The following SLC4A10 variants were observed in gnomAD, a reference collection of about 807,000 sequenced individuals.
The protein encoded by SLC4A10 is sodium-driven chloride bicarbonate exchanger.
In SLC4A10, 42 loss-of-function variants were observed where a neutral mutation model predicts 137.7. The observed-to-expected ratio is 0.30, with a 90% confidence interval of 0.24 to 0.39. SLC4A10 has a LOEUF of 0.39. SLC4A10 is among the 10% of genes least tolerant of loss of function. SLC4A10 has a pLI of 1.00. For synonymous variants in SLC4A10, 474 were observed against 464.1 expected (o/e 1.02, Z -0.27); for missense variants, 925 against 1,355.0 (o/e 0.68, Z 4.98).
chr2:161,715,614 A>G (rs1183348407), intron 1 of SLC4A10, among the ~76,000 whole-genome samples: 3 of 152,114 alleles, frequency 2.0e-5, no homozygotes, highest in East Asian at 1.9e-4. Flanking sequence ...TTCCTGCGTT[A>G]GTTTGCAGAT....
intron 6 of SLC4A10, among the ~76,000 whole-genome samples, chr2:161,868,230 T>A (rs542256624): frequency 1.4e-4 from 22 of 151,990 alleles, no homozygotes; most frequent in African/African-American, 5.3e-4. Flanking sequence ...TATACCTTTT[T>A]TTCCAATAAT....
intron 15 of SLC4A10, among the ~76,000 whole-genome samples, chr2:161,906,825 C>A (rs534939068): frequency 6.6e-6 from 1 of 152,016 alleles, no homozygotes; most frequent in African/African-American, 2.4e-5. Context: ...GAGGCCGAGG[C>A]GGGCGGATCA....
chr2:161,904,930 G>T, intron 14 of SLC4A10, 21 bp downstream of exon 14: 1 of 1,612,618 alleles, frequency 6.2e-7, no homozygotes. Context: ...TGTACTTTTT[G>T]GCCCTTAGCC....
At chr2:161,738,868 A>G (rs530944118) in intron 1 of SLC4A10, among the ~76,000 whole-genome samples, 1 of 152,248 alleles carries the variant, frequency 6.6e-6, no homozygotes, top group East Asian at 1.9e-4. Context: ...TCCCATTTAG[A>G]TAGGGCAAGG....
At chr2:161,793,028 G>A (rs2054373160) in intron 2 of SLC4A10, among the ~76,000 whole-genome samples, 1 of 152,006 alleles carries the variant, frequency 6.6e-6, no homozygotes. Flanking sequence ...CAGAATCATT[G>A]CAACCCTAAT....
At chr2:161,735,835 A>T (rs1173678344) in intron 1 of SLC4A10, among the ~76,000 whole-genome samples, 1 of 152,230 alleles carries the variant, frequency 6.6e-6, no homozygotes, top group Non-Finnish European at 1.5e-5. Flanking sequence ...CTAGAGGTTC[A>T]AAACTAAAAA....
intron 3 of SLC4A10, among the ~76,000 whole-genome samples, chr2:161,837,929 T>C (rs1575208851): frequency 6.6e-6 from 1 of 152,282 alleles, no homozygotes; most frequent in South Asian, 2.1e-4. Context: ...CCATGTGATA[T>C]TACAAGGAGA....
intron 1 of SLC4A10, among the ~76,000 whole-genome samples, chr2:161,741,582 A>G (rs1422781214): frequency 6.6e-6 from 1 of 152,170 alleles, no homozygotes; most frequent in African/African-American, 2.4e-5. Flanking sequence ...GTAAAAATGC[A>G]GTATTTTTCT....
At chr2:161,939,626 A>G (rs1575748249) in intron 15 of SLC4A10, among the ~76,000 whole-genome samples, 2 of 151,800 alleles carry the variant, frequency 1.3e-5, no homozygotes, top group South Asian at 2.1e-4. Flanking sequence ...TCCTCCTTCT[A>G]CCTCCCCACC....
chr2:161,748,573 C>CA (rs1199451582), intron 1 of SLC4A10, among the ~76,000 whole-genome samples: 4 of 151,824 alleles, frequency 2.6e-5, no homozygotes, highest in African/African-American at 9.7e-5. Context: ...GTTGCTTTGT[C>CA]AAAAGTCAGT....
At chr2:161,738,951 A>G (rs11895877) in intron 1 of SLC4A10, among the ~76,000 whole-genome samples, 2 of 152,150 alleles carry the variant, frequency 1.3e-5, no homozygotes, top group African/African-American at 2.4e-5. Flanking sequence ...TTTAGCCCCA[A>G]TTTTGCCAGA....
intron 1 of SLC4A10, among the ~76,000 whole-genome samples, chr2:161,639,800 G>T (rs1374549731): frequency 6.6e-6 from 1 of 152,096 alleles, no homozygotes; most frequent in Non-Finnish European, 1.5e-5. Flanking sequence ...AGAAATAAAG[G>T]TCATTTAAAT....
intron 10 of SLC4A10, among the ~76,000 whole-genome samples, chr2:161,888,621 A>T (rs949740145): frequency 2.6e-5 from 4 of 152,086 alleles, no homozygotes; most frequent in African/African-American, 7.2e-5. Flanking sequence ...AATGCTTGTG[A>T]CTTTTGCACT....
chr2:161,748,492 T>C (rs551181999), intron 1 of SLC4A10, among the ~76,000 whole-genome samples: 1 of 151,262 alleles, frequency 6.6e-6, no homozygotes, highest in East Asian at 1.9e-4. Flanking sequence ...ATGGTTCCAG[T>C]TTTATTCTTT....
intron 1 of SLC4A10, among the ~76,000 whole-genome samples, chr2:161,640,345 C>T (rs1055622814): frequency 6.6e-6 from 1 of 152,050 alleles, no homozygotes; most frequent in African/African-American, 2.4e-5. Flanking sequence ...TGTATTTTCC[C>T]TGACTCCACT....
intron 1 of SLC4A10, among the ~76,000 whole-genome samples, chr2:161,698,254 C>T (rs2042751747): frequency 6.6e-6 from 1 of 152,206 alleles, no homozygotes; most frequent in African/African-American, 2.4e-5. Context: ...TATCTGCAAA[C>T]AGGACAATTT....
At chr2:161,652,694 G>A (rs2036964498) in intron 1 of SLC4A10, among the ~76,000 whole-genome samples, 5 of 151,802 alleles carry the variant, frequency 3.3e-5, no homozygotes, top group Admixed American at 3.3e-4. Context: ...CAGATGCCTA[G>A]AAATTTTTCA....
chr2:161,804,614 G>A lies in SLC4A10; in HGVS notation c.277+19G>A. 1 of 1,587,854 alleles carries A rather than the reference G, an allele frequency of 6.3e-7. No homozygotes were observed. The highest frequency in any genetic ancestry group is 8.6e-7 in the Non-Finnish European group (1 of 1,166,430). ...TCTTTTGGTAAGAATCCTTCTCCTT[G>A]TTTTTATTAAGTTAATTATTGTAAT... On this transcript the variant is annotated intron_variant, in intron 3 of 26. Coordinates refer to ENST00000446997, the MANE Select transcript of SLC4A10 (RefSeq NM_001178015.2).
chr2:161,626,767 G>C (rs1476301109), intron 1 of SLC4A10, among the ~76,000 whole-genome samples: 1 of 152,056 alleles, frequency 6.6e-6, no homozygotes, highest in East Asian at 1.9e-4. Context: ...CTAGAATTTA[G>C]GTCATCTAAA....
Sources: gnomAD v4.1 joint callset for allele counts (sites outside exome capture counted in the v4.1 genomes callset) on GRCh38, gnomAD v4.1.1 for gene constraint, MANE v1.5 for transcripts, NCBI Gene and HGNC (gene_info 2026-07-23, HGNC 2026-07-21) for gene names.